Variants in KIFBP observed in about 807,000 individuals in gnomAD.
The protein encoded by KIFBP is kinesin family binding protein, also known as KIF-binding protein.
In KIFBP, 46 loss-of-function variants were observed where a neutral mutation model predicts 58.9. That is an observed-to-expected ratio of 0.78 (90% CI 0.62 to 1.00). The LOEUF (loss-of-function observed/expected upper bound fraction) is 1.00, where lower values mean the gene tolerates loss of function less well. Ranked by LOEUF, KIFBP falls within the 50% of genes least tolerant of loss-of-function variation. KIFBP has a pLI of 0.00. For missense variants in KIFBP, 651 were observed against 752.9 expected, an observed-to-expected ratio of 0.86 and a Z score of 1.58; for synonymous variants, 241 against 283.4, an observed-to-expected ratio of 0.85 and a Z score of 1.50.
chr10:69,014,987 A>G (rs947545551), intron 6 of KIFBP, among the ~76,000 whole-genome samples: 1 of 152,056 alleles, frequency 6.6e-6, no homozygotes, highest in South Asian at 2.1e-4. Flanking sequence ...CTGTGGCGCA[A>G]TCTCCACTTA....
intron 1 of KIFBP, among the ~76,000 whole-genome samples, chr10:68,996,904 C>T (rs1401594937): frequency 2.0e-5 from 3 of 151,874 alleles, no homozygotes; most frequent in African/African-American, 4.8e-5. Context: ...TGGCTCATGC[C>T]TGTAATCCCA....
At chr10:69,001,731 G>A (rs546323736) in intron 2 of KIFBP, among the ~76,000 whole-genome samples, 5 of 149,944 alleles carry the variant, frequency 3.3e-5, no homozygotes, top group East Asian at 1.9e-4. Flanking sequence ...CGGCCTGGGC[G>A]ACAGTGAGAC....
chr10:69,011,011 T>C lies in KIFBP; in HGVS notation c.986T>C (p.Met329Thr). The C allele has an allele frequency of 6.2e-7, 1 of 1,605,682 alleles. No homozygotes were observed. Among genetic ancestry groups the C allele is most frequent in the Non-Finnish European group, 8.5e-7 (1 of 1,172,344 alleles). ...CTCATGCAGAATGCCCAACTCTCCA[T>C]GCAGGTAATGCAGTCAGAAGCTGCC... ...LTLMQNAQLS[M>T]QDNIGELDLD... The change falls in exon 6 of 7, where the codon ATG becomes ACG. Residue 329 changes from methionine to threonine, a missense_variant. Met to Thr is a moderately conservative substitution (Grantham distance 81). Transcript: ENST00000361983.
At chr10:68,990,851 G>GA (rs1359514234) in intron 1 of KIFBP, among the ~76,000 whole-genome samples, 1 of 151,926 alleles carries the variant, frequency 6.6e-6, no homozygotes, top group Admixed American at 6.6e-5. Context: ...ATGTCAGTAG[G>GA]AATATGATTA....
At chr10:68,989,555 G>A in intron 1 of KIFBP, 1 of 534,298 alleles carries the variant, frequency 1.9e-6, no homozygotes, top group Non-Finnish European at 3.4e-6. Context: ...ATTGGTGTCC[G>A]AGACCCTCCT....
chr10:69,008,389 AAAATATATATATATATATAT>A (rs1440695499), intron 4 of KIFBP, among the ~76,000 whole-genome samples: 2 of 56,570 alleles, frequency 3.5e-5, no homozygotes, highest in African/African-American at 1.7e-4. Context: ...AAAAAAAAAA[AAAATATATATATATATATAT>A]ATATATATAT....
At position 69,000,532 on chromosome 10, in the gene KIFBP, A is replaced by C; in HGVS notation, c.525+10A>C. ...TCAGTATATGAAAGAGGTATGTTAC[A>C]TGTCAGATGAGTTTTAAGTTTTGAT... is the stretch of plus-strand genomic sequence containing the variant. On this transcript the variant is annotated intron_variant, in intron 2 of 6. Transcript: ENST00000361983. The C allele has an allele frequency of 6.7e-7, 1 of 1,491,912 alleles. No individual in the cohort carries two copies. The highest frequency in any genetic ancestry group is 1.1e-5 in the South Asian group (1 of 88,606). 92.4% of individuals were successfully genotyped at this position (1,491,912 alleles called of 1,614,324 possible).
rs1365348518 is a variant in KIFBP at position 69,005,809 on chromosome 10, C to T, written c.683C>T (p.Ala228Val). The stretch of plus-strand genomic sequence containing the variant: ...CATCTGGAAATGTTTGAGAAGGCTG[C>T]TCACTATTGCCATAGTACACTAAAA... Reference protein sequence around the residue: ...YQHLEMFEKAAHYCHSTLKRQ... With the variant: ...YQHLEMFEKAVHYCHSTLKRQ... The change falls in exon 4 of 7, where the codon GCT becomes GTT. Residue 228 changes from alanine to valine, a missense_variant. Ala to Val is a moderately conservative substitution (Grantham distance 64, BLOSUM62 0). Transcript: ENST00000361983. 1 of 1,613,674 alleles carries T rather than the reference C, an allele frequency of 6.2e-7. No homozygotes were observed. Among genetic ancestry groups the T allele is most frequent in the Non-Finnish European group, 8.5e-7 (1 of 1,179,574 alleles).
intron 2 of KIFBP, among the ~76,000 whole-genome samples, chr10:69,003,706 G>A (rs1215656921): frequency 6.6e-6 from 1 of 152,140 alleles, no homozygotes; most frequent in African/African-American, 2.4e-5. Flanking sequence ...AATAAATAAT[G>A]GAATCTGGTT....
At chr10:69,012,497 G>T (rs891508001) in intron 6 of KIFBP, among the ~76,000 whole-genome samples, 12 of 151,822 alleles carry the variant, frequency 7.9e-5, no homozygotes, top group African/African-American at 2.9e-4. Context: ...TTTATATTGT[G>T]TATTAAAGTA....
intron 6 of KIFBP, 187 bp downstream of exon 6, chr10:69,011,202 A>G: frequency 1.8e-6 from 1 of 564,720 alleles, no homozygotes; most frequent in Non-Finnish European, 3.2e-6. Flanking sequence ...CGGGAGGCAG[A>G]GGCTGCGTGA....
chr10:69,005,845 A>T lies in KIFBP; in HGVS notation c.719A>T (p.Glu240Val). ...CATAGTACACTAAAACGCCAGCTTG[A>T]GCACAATGCCTACCATCCTATAGAG... ...YCHSTLKRQL[E>V]HNAYHPIEWA... The change falls in exon 4 of 7, where the codon GAG (glutamate) becomes GTG (valine). Residue 240 changes from glutamate (E) to valine (V), a missense_variant. By Grantham distance (121) the Glu-to-Val change is moderately radical. Transcript: ENST00000361983. 9 of 1,614,188 alleles carry T rather than the reference A, an allele frequency of 5.6e-6. No homozygotes were observed. Among genetic ancestry groups the T allele is most frequent in the Non-Finnish European group, 7.6e-6 (9 of 1,180,028 alleles).
chr10:68,998,446 A>G (rs567447989), intron 1 of KIFBP, among the ~76,000 whole-genome samples: 18 of 151,916 alleles, frequency 1.2e-4, no homozygotes, highest in Admixed American at 8.5e-4. Context: ...CCCAGGTCCT[A>G]TAATACTGCT....
intron 6 of KIFBP, among the ~76,000 whole-genome samples, chr10:69,011,663 T>A (rs1041646414): frequency 1.4e-5 from 2 of 146,392 alleles, no homozygotes; most frequent in Non-Finnish European, 3.0e-5. Context: ...GGATTACAGG[T>A]GTGAGCCACT....
intron 2 of KIFBP, among the ~76,000 whole-genome samples, chr10:69,002,835 A>G (rs961142219): frequency 6.6e-6 from 1 of 152,050 alleles, no homozygotes; most frequent in African/African-American, 2.4e-5. Flanking sequence ...CAGGAGGTCA[A>G]AGCAGCAGTG....
intron 1 of KIFBP, 72 bp downstream of exon 1, chr10:68,989,330 C>T: frequency 6.5e-7 from 1 of 1,528,450 alleles, no homozygotes; most frequent in South Asian, 1.1e-5. Flanking sequence ...CCTGCCAAGG[C>T]CAAGGGCAGA....
At chr10:69,000,388 T>C (rs779033366) in intron 1 of KIFBP, 36 bp from the exon 2 acceptor site, 4 of 1,349,188 alleles carry the variant, frequency 3.0e-6, no homozygotes, top group African/African-American at 1.4e-5. Flanking sequence ...GGAAGTCTTA[T>C]ATCATTGTTT....
At chr10:69,015,201 A>G (rs532168203) in intron 6 of KIFBP, among the ~76,000 whole-genome samples, 13 of 152,268 alleles carry the variant, frequency 8.5e-5, no homozygotes, top group African/African-American at 2.9e-4. Context: ...GGAGTAATGT[A>G]TCACATATAT....
intron 6 of KIFBP, 46 bp downstream of exon 6, chr10:69,011,061 T>A: frequency 7.4e-7 from 1 of 1,352,884 alleles, no homozygotes; most frequent in Non-Finnish European, 1.1e-6. Flanking sequence ...ATGAGGAAAT[T>A]GTAAGTAAAA....
Sources: gnomAD v4.1 joint callset for allele counts (sites outside exome capture counted in the v4.1 genomes callset) on GRCh38, gnomAD v4.1.1 for gene constraint, MANE v1.5 for transcripts, NCBI Gene and HGNC (gene_info 2026-07-23, HGNC 2026-07-21) for gene names.